Variants in HPCAL1 observed in about 807,000 individuals in gnomAD.
The protein encoded by HPCAL1 is hippocalcin-like protein 1.
In HPCAL1, 8 loss-of-function variants were observed where a neutral mutation model predicts 17.1. The ratio of observed to expected loss-of-function variants is 0.47; its 90% CI spans 0.27 to 0.84. The LOEUF is 0.84. HPCAL1 is among the 40% of genes least tolerant of loss of function. The probability of loss-of-function intolerance (pLI) is 0.13; values close to 1 mark genes in which losing one functional copy is unlikely to be tolerated. For synonymous variants in HPCAL1, 112 were observed against 111.4 expected, an observed-to-expected ratio of 1.01 and a Z score of -0.03; for missense variants, 165 against 271.1, an observed-to-expected ratio of 0.61 and a Z score of 2.75.
At chr2:10,352,584 C>A (rs1434990310) in intron 1 of HPCAL1, among the ~76,000 whole-genome samples, 1 of 152,218 alleles carries the variant, frequency 6.6e-6, no homozygotes, top group Admixed American at 6.5e-5. Context: ...CTATCTCTTC[C>A]TCTGCAGTCC....
In HPCAL1 at chr2:10,384,939, G is replaced by A. The variant is rs188777779; in HGVS notation, c.-110-11896G>A. Among the ~76,000 whole-genome samples, 386 of 152,220 alleles carry A rather than the reference G, an allele frequency of 2.5e-3. 1 individual carries two copies. The highest frequency in any genetic ancestry group is 8.9e-3 in the African/African-American group (368 of 41,530). ...GATGGAGACCATCCTGGCCAACATG[G>A]TGAAACCCCGTCTCTACTAAAAATA... On this transcript the variant is annotated intron_variant, in intron 1 of 4. Transcript: ENST00000307845. The surrounding 1 kb of genome is among the most constrained non-coding windows in gnomAD (Gnocchi z 4.4).
chr2:10,395,865 T>A lies in HPCAL1; in HGVS notation c.-110-970T>A, dbSNP rs757079243. 1.6e-4 allele frequency among the ~76,000 whole-genome samples: 24 copies of A among 152,078 alleles called. No homozygotes were observed. The highest frequency in any genetic ancestry group is 2.5e-4 in the Non-Finnish European group (17 of 68,000). On this transcript the variant is annotated intron_variant, in intron 1 of 4. Transcript: ENST00000307845. The surrounding 1 kb of genome is among the most constrained non-coding windows in gnomAD (Gnocchi z 4.4). ...TGTGTGGATTACGTTGGATAATGAG[T>A]ACAAATGCATAGACAGCCTTTAGCA...
At position 10,342,011 on chromosome 2, in the gene HPCAL1, T is replaced by C. The variant is rs1214663192; in HGVS notation, c.-111+38834T>C. Among the ~76,000 whole-genome samples the C allele has an allele frequency of 6.6e-6, 1 of 151,544 alleles. No individual in the cohort carries two copies. Among genetic ancestry groups the C allele is most frequent in the Non-Finnish European group, 1.5e-5 (1 of 67,884 alleles). ...TCTCTAGATAAAGTTTTTTTTTTTT[T>C]TTTAAATTAGCCAGATGTGGTGGTG... On this transcript the variant is annotated intron_variant, in intron 1 of 4. Coordinates refer to ENST00000307845, the MANE Select transcript of HPCAL1 (RefSeq NM_002149.4). The surrounding 1 kb of genome is among the most constrained non-coding windows in gnomAD (Gnocchi z 4.1).
intron 3 of HPCAL1, 91 bp downstream of exon 3, chr2:10,420,226 T>TTC: frequency 8.2e-7 from 1 of 1,224,366 alleles, no homozygotes; most frequent in Non-Finnish European, 1.1e-6. Flanking sequence ...TTTTTTTTTT[T>TTC]TTTTTAAGAC....
intron 2 of HPCAL1, among the ~76,000 whole-genome samples, chr2:10,410,436 C>CTTTTTTTTTTTTTTT (rs36002921): frequency 1.4e-4 from 11 of 77,490 alleles, no homozygotes; most frequent in East Asian, 4.3e-4. Context: ...TCTTCTTCTT[C>CTTTTTTTTTTTTTTT]TTTTTTTTTT....
intron 1 of HPCAL1, among the ~76,000 whole-genome samples, chr2:10,326,912 C>T (rs1245449149): frequency 6.6e-6 from 1 of 152,154 alleles, no homozygotes; most frequent in African/African-American, 2.4e-5. Context: ...AGCTGGGCCC[C>T]TGCTGTGCCC....
chr2:10,370,017 T>A (rs1667112283), intron 1 of HPCAL1, among the ~76,000 whole-genome samples: 1 of 152,258 alleles, frequency 6.6e-6, no homozygotes, highest in Non-Finnish European at 1.5e-5. Context: ...TCAAGAAATG[T>A]GCTGGGTTAG....
chr2:10,348,028 G>A (rs1665580001), intron 1 of HPCAL1, among the ~76,000 whole-genome samples: 1 of 152,204 alleles, frequency 6.6e-6, no homozygotes, highest in Non-Finnish European at 1.5e-5. Flanking sequence ...CCTACTGTAA[G>A]CCTAGCATGG....
At chr2:10,385,208 G>T (rs1437707652) in intron 1 of HPCAL1, among the ~76,000 whole-genome samples, 1 of 152,160 alleles carries the variant, frequency 6.6e-6, no homozygotes, top group Non-Finnish European at 1.5e-5. Context: ...CTTCCCATCA[G>T]CCCCTCCCAG....
chr2:10,339,044 G>A (rs1434763219), intron 1 of HPCAL1, among the ~76,000 whole-genome samples: 2 of 152,224 alleles, frequency 1.3e-5, no homozygotes, highest in Admixed American at 6.5e-5. Context: ...GAAGCAGCAG[G>A]ATGGGAGTGA....
intron 1 of HPCAL1, among the ~76,000 whole-genome samples, chr2:10,369,449 T>C (rs1270403509): frequency 1.3e-5 from 2 of 152,234 alleles, no homozygotes; most frequent in African/African-American, 4.8e-5. Flanking sequence ...TCTGAGTCCA[T>C]AGTACTTGCA....
rs116201507 is a variant in HPCAL1, at chr2:10,427,213, C to T, written c.*392C>T. On this transcript the variant is annotated 3_prime_UTR_variant, in exon 5 of 5. Coordinates refer to ENST00000307845, the MANE Select transcript of HPCAL1 (RefSeq NM_002149.4). ...AGTGACTCTGTGGGAAGGGTGGGGA[C>T]GAGGCGTCGGGAGGGTATACAGGGA... 1,446 of 213,202 alleles carry T rather than the reference C, an allele frequency of 6.8e-3. 16 individuals are homozygous for T. Among genetic ancestry groups the T allele is most frequent in the East Asian group, 0.024 (184 of 7,710 alleles). 13.2% of individuals were successfully genotyped at this position (213,202 alleles called of 1,614,324 possible).
At chr2:10,381,454 G>A (rs986715346) in intron 1 of HPCAL1, among the ~76,000 whole-genome samples, 1 of 152,212 alleles carries the variant, frequency 6.6e-6, no homozygotes, top group Non-Finnish European at 1.5e-5. Flanking sequence ...TGCGCACTGC[G>A]TGGAGATGTT....
At chr2:10,332,112 T>G (rs1416694701) in intron 1 of HPCAL1, among the ~76,000 whole-genome samples, 1 of 152,146 alleles carries the variant, frequency 6.6e-6, no homozygotes, top group Non-Finnish European at 1.5e-5. Flanking sequence ...CGTTGTCAGG[T>G]GTACTCACTT....
chr2:10,337,948 A>G (rs1664821625), intron 1 of HPCAL1, among the ~76,000 whole-genome samples: 1 of 152,190 alleles, frequency 6.6e-6, no homozygotes, highest in African/African-American at 2.4e-5. Flanking sequence ...ATCACTGACT[A>G]TCACTGGACT....
chr2:10,399,034 C>T (rs891531241), intron 2 of HPCAL1, among the ~76,000 whole-genome samples: 12 of 151,778 alleles, frequency 7.9e-5, no homozygotes, highest in African/African-American at 9.7e-5. Flanking sequence ...ACTGTCAGCA[C>T]GGGTGCACAG....
At chr2:10,371,660 C>T (rs1667215135) in intron 1 of HPCAL1, among the ~76,000 whole-genome samples, 1 of 152,178 alleles carries the variant, frequency 6.6e-6, no homozygotes, top group Non-Finnish European at 1.5e-5. Flanking sequence ...CCTTCCATTC[C>T]AAACTCCTCC....
At chr2:10,424,903 C>A in intron 4 of HPCAL1, 1 of 310,590 alleles carries the variant, frequency 3.2e-6, no homozygotes. Flanking sequence ...CTAGGCTGGG[C>A]TGATGGGTTT....
chr2:10,316,717 C>T (rs1663337481), intron 1 of HPCAL1, among the ~76,000 whole-genome samples: 1 of 152,196 alleles, frequency 6.6e-6, no homozygotes, highest in Admixed American at 6.5e-5. Context: ...CGGGCTGCCT[C>T]CCCAGGCAAA....
Sources: allele counts gnomAD v4.1 joint callset (sites outside exome capture counted in the v4.1 genomes callset), GRCh38; gene constraint gnomAD v4.1.1; non-coding constraint Gnocchi (gnomAD v3.1); transcripts MANE v1.5; gene names NCBI Gene and HGNC (gene_info 2026-07-23, HGNC 2026-07-21).